Variants in THSD4 observed in about 807,000 individuals in gnomAD.
THSD4 encodes thrombospondin type 1 domain containing 4, also known as thrombospondin type-1 domain-containing protein 4.
In THSD4, 69 loss-of-function variants were observed where a neutral mutation model predicts 119.0. The observed-to-expected ratio is 0.58, with a 90% confidence interval of 0.48 to 0.71. The LOEUF (loss-of-function observed/expected upper bound fraction) is 0.71, where lower values mean the gene tolerates loss of function less well. THSD4 is among the 30% of genes least tolerant of loss of function. THSD4 has a pLI of 0.00. For synonymous variants in THSD4, 524 were observed against 540.4 expected (o/e 0.97, Z 0.42); for missense variants, 1,393 against 1,391.1 (o/e 1.00, Z -0.02).
intron 6 of THSD4, among the ~76,000 whole-genome samples, chr15:71,401,162 A>G (rs1036033170): frequency 6.6e-6 from 1 of 152,164 alleles, no homozygotes; most frequent in Non-Finnish European, 1.5e-5. Context: ...CTAAAATCCA[A>G]AACCTCAACA....
intron 8 of THSD4, among the ~76,000 whole-genome samples, chr15:71,712,140 A>G (rs889812869): frequency 1.3e-5 from 2 of 152,234 alleles, no homozygotes; most frequent in African/African-American, 4.8e-5. Context: ...TTTTTAATAT[A>G]GCTATAATAT....
At chr15:71,349,455 CT>C (rs2045716118) in intron 6 of THSD4, among the ~76,000 whole-genome samples, 1 of 147,952 alleles carries the variant, frequency 6.8e-6, no homozygotes, top group Non-Finnish European at 1.5e-5. Context: ...CCCCCTGCCC[CT>C]ATCAACATGT....
intron 8 of THSD4, among the ~76,000 whole-genome samples, chr15:71,685,113 G>T (rs564000219): frequency 6.6e-6 from 1 of 151,314 alleles, no homozygotes; most frequent in East Asian, 1.9e-4. Flanking sequence ...AAAATGTCTT[G>T]GAGACCAGCT....
intron 7 of THSD4, among the ~76,000 whole-genome samples, chr15:71,430,213 A>G (rs115064171): frequency 0.014 from 2,198 of 152,304 alleles, 50 homozygotes; most frequent in African/African-American, 0.05. Context: ...CTCAAAAACA[A>G]TGAACAGGGC....
chr15:71,665,128 C>A (rs762851189), intron 8 of THSD4, among the ~76,000 whole-genome samples: 1 of 152,158 alleles, frequency 6.6e-6, no homozygotes, highest in Non-Finnish European at 1.5e-5. Flanking sequence ...ATAAGTGTTT[C>A]CTTTTCTCCA....
chr15:71,324,669 G>A lies in THSD4; in HGVS notation c.1015+67954G>A, dbSNP rs1453952875. On this transcript the variant is annotated intron_variant, in intron 6 of 17. Coordinates refer to ENST00000261862, the MANE Select transcript of THSD4 (RefSeq NM_024817.3). The stretch of plus-strand genomic sequence containing the variant: ...CTCTTTTATGGCTGAGTACTATTCC[G>A]TGGTGTATATATACCACATTTTCTT... Among the ~76,000 whole-genome samples, 10 of 152,234 alleles carry A rather than the reference G, an allele frequency of 6.6e-5. No homozygotes were observed. In the South Asian group the frequency reaches 1.5e-3, roughly 22 times the overall value.
At chr15:71,353,115 T>C (rs1324833850) in intron 6 of THSD4, among the ~76,000 whole-genome samples, 2 of 152,226 alleles carry the variant, frequency 1.3e-5, no homozygotes, top group African/African-American at 4.8e-5. Context: ...AGGCTTCATG[T>C]AGTGATCATG....
chr15:71,768,450 A>C (rs2053753369), intron 16 of THSD4, among the ~76,000 whole-genome samples: 1 of 151,948 alleles, frequency 6.6e-6, no homozygotes, highest in Admixed American at 6.6e-5. Flanking sequence ...GCAACCAAAA[A>C]CTTTTTAAGT....
At chr15:71,457,529 C>A (rs2047357768) in intron 7 of THSD4, among the ~76,000 whole-genome samples, 1 of 152,150 alleles carries the variant, frequency 6.6e-6, no homozygotes, top group Non-Finnish European at 1.5e-5. Flanking sequence ...AGGTCTGGCT[C>A]CTTCCCAGAG....
intron 7 of THSD4, among the ~76,000 whole-genome samples, chr15:71,501,762 A>G (rs151064265): frequency 1.3e-5 from 2 of 152,276 alleles, no homozygotes; most frequent in Non-Finnish European, 2.9e-5. Flanking sequence ...TGACCTCTCA[A>G]TTGTTTTCTA....
chr15:71,741,924 G>A (rs188285393), intron 11 of THSD4, among the ~76,000 whole-genome samples: 9 of 152,294 alleles, frequency 5.9e-5, no homozygotes, highest in African/African-American at 1.2e-4. Flanking sequence ...AAGTGGCAGC[G>A]GCCCGTGGAG....
chr15:71,722,628 G>A (rs367593213), intron 8 of THSD4, among the ~76,000 whole-genome samples: 25 of 152,228 alleles, frequency 1.6e-4, no homozygotes, highest in African/African-American at 5.5e-4. Context: ...TCTTTCACAA[G>A]TATTTCTGCT....
In THSD4 at chr15:71,364,746, T is replaced by C. The variant is rs77723365; in HGVS notation, c.1016-46941T>C. 9.9e-4 allele frequency among the ~76,000 whole-genome samples: 151 copies of C among 152,372 alleles called. 3 individuals carry two copies. The East Asian group carries it at 0.027, about 27-fold the overall frequency. On this transcript the variant is annotated intron_variant, in intron 6 of 17. Coordinates refer to ENST00000261862, the MANE Select transcript of THSD4 (RefSeq NM_024817.3). The stretch of plus-strand genomic sequence containing the variant: ...ACCTACTCTTCAAACACTTGTGTTT[T>C]CTTTTTAGCCTTTGCATAGCGCTGA...
chr15:71,229,221 A>G (rs2044042325), intron 4 of THSD4, among the ~76,000 whole-genome samples: 3 of 152,238 alleles, frequency 2.0e-5, no homozygotes, highest in Admixed American at 2.0e-4. Flanking sequence ...TTCCTCATCT[A>G]TAAAATAAAG....
chr15:71,626,567 G>T (rs2050514285), intron 7 of THSD4, among the ~76,000 whole-genome samples: 1 of 152,138 alleles, frequency 6.6e-6, no homozygotes, highest in African/African-American at 2.4e-5. Flanking sequence ...AGCATCAAAA[G>T]ATGCTTTATT....
At chr15:71,307,600 C>T (rs1413846075) in intron 6 of THSD4, among the ~76,000 whole-genome samples, 1 of 152,102 alleles carries the variant, frequency 6.6e-6, no homozygotes, top group South Asian at 2.1e-4. Flanking sequence ...TGAAACCAGT[C>T]TCTACTAAAA....
intron 10 of THSD4, among the ~76,000 whole-genome samples, chr15:71,735,938 A>C (rs1164339653): frequency 0.033 from 1,710 of 51,970 alleles, no homozygotes; most frequent in Middle Eastern, 0.11. Context: ...TTCTGTCTCT[A>C]TCTCTCTGTC....
intron 6 of THSD4, among the ~76,000 whole-genome samples, chr15:71,377,150 G>A (rs915610853): frequency 1.3e-5 from 2 of 152,180 alleles, no homozygotes; most frequent in Admixed American, 6.5e-5. Flanking sequence ...TTCATGAAGG[G>A]GGTAAAGGAC....
chr15:71,329,664 C>A (rs541275100), intron 6 of THSD4, among the ~76,000 whole-genome samples: 1 of 152,286 alleles, frequency 6.6e-6, no homozygotes, highest in South Asian at 2.1e-4. Context: ...GTGTGCCCTG[C>A]CCTTGTAAGC....
Sources: allele counts gnomAD v4.1 joint callset (sites outside exome capture counted in the v4.1 genomes callset), GRCh38; gene constraint gnomAD v4.1.1; transcripts MANE v1.5; gene names NCBI Gene and HGNC (gene_info 2026-07-23, HGNC 2026-07-21).